Variants in C2orf76 observed in about 807,000 individuals in gnomAD.
C2orf76 encodes the protein UPF0538 protein C2orf76.
A neutral mutation model predicts 16.9 loss-of-function variants in C2orf76; 23 were observed. The ratio of observed to expected loss-of-function variants is 1.36; its 90% CI spans 0.98 to 1.93. The LOEUF (loss-of-function observed/expected upper bound fraction) is 1.93. Ranked by LOEUF, C2orf76 falls within the 30% of genes most tolerant of loss-of-function variation. C2orf76 has a pLI of 0.00. For synonymous variants in C2orf76, 48 were observed against 52.3 expected, an observed-to-expected ratio of 0.92 and a Z score of 0.35; for missense variants, 152 against 152.6, an observed-to-expected ratio of 1.00 and a Z score of 0.02.
At chr2:119,332,489 A>C (rs1679705929) in intron 2 of C2orf76, among the ~76,000 whole-genome samples, 1 of 152,226 alleles carries the variant, frequency 6.6e-6, no homozygotes, top group South Asian at 2.1e-4. Flanking sequence ...AGAACAAAAA[A>C]TTCACTTAAC....
chr2:119,321,239 C>A, intron 2 of C2orf76, 35 bp from the exon 3 acceptor site: 1 of 1,091,232 alleles, frequency 9.2e-7, no homozygotes, highest in Non-Finnish European at 1.4e-6. Flanking sequence ...ACACAATAAG[C>A]AAATAGACAC....
At chr2:119,351,587 CA>C (rs1214118205) in intron 1 of C2orf76, among the ~76,000 whole-genome samples, 4 of 150,466 alleles carry the variant, frequency 2.7e-5, no homozygotes, top group East Asian at 3.9e-4. Context: ...TCTGTCTCTA[CA>C]AAAAAAAATA....
the C2orf76 span, among the ~76,000 whole-genome samples, chr2:119,293,535 G>A: frequency 6.6e-6 from 1 of 152,234 alleles, no homozygotes; most frequent in Admixed American, 6.5e-5. Flanking sequence ...TCACTGTGAT[G>A]GCTGGGTGAA....
At chr2:119,365,545 T>G (rs1026823455) in intron 1 of C2orf76, among the ~76,000 whole-genome samples, 7 of 152,226 alleles carry the variant, frequency 4.6e-5, no homozygotes, top group Non-Finnish European at 8.8e-5. Context: ...TCTGAAAGCG[T>G]CTACCTTCCC....
chr2:119,352,204 G>C (rs1373196008), intron 1 of C2orf76, among the ~76,000 whole-genome samples: 1 of 152,176 alleles, frequency 6.6e-6, no homozygotes, highest in Non-Finnish European at 1.5e-5. Flanking sequence ...CAAACTCCTA[G>C]AGAGAATCAT....
intron 1 of C2orf76, among the ~76,000 whole-genome samples, chr2:119,353,658 T>C (rs1161644195): frequency 6.7e-6 from 1 of 149,604 alleles, no homozygotes; most frequent in Non-Finnish European, 1.5e-5. Context: ...CTGCCTCCCA[T>C]GTTCAAGTGA....
At chr2:119,360,074 AG>A (rs1680695306) in intron 1 of C2orf76, among the ~76,000 whole-genome samples, 1 of 152,242 alleles carries the variant, frequency 6.6e-6, no homozygotes, top group Non-Finnish European at 1.5e-5. Flanking sequence ...CGCACCAATC[AG>A]TTAGCAGCCA....
intron 1 of C2orf76, among the ~76,000 whole-genome samples, chr2:119,362,675 G>T (rs1680782421): frequency 6.6e-6 from 1 of 152,110 alleles, no homozygotes; most frequent in Non-Finnish European, 1.5e-5. Flanking sequence ...ACCAGTGTAT[G>T]ACCAACTCAT....
At chr2:119,307,568 A>T (rs1251749322) in intron 5 of C2orf76, among the ~76,000 whole-genome samples, 1 of 152,114 alleles carries the variant, frequency 6.6e-6, no homozygotes, top group East Asian at 1.9e-4. Flanking sequence ...CCAAGAGCAT[A>T]GCAACACCAC....
At chr2:119,345,753 T>G (rs1464503861) in intron 1 of C2orf76, among the ~76,000 whole-genome samples, 1 of 152,102 alleles carries the variant, frequency 6.6e-6, no homozygotes, top group Non-Finnish European at 1.5e-5. Flanking sequence ...GAATTACAGC[T>G]AAAAAGTACT....
chr2:119,304,545 A>G (rs1345522073), intron 5 of C2orf76, among the ~76,000 whole-genome samples: 1 of 152,212 alleles, frequency 6.6e-6, no homozygotes, highest in East Asian at 1.9e-4. Flanking sequence ...TCAAAATGAG[A>G]GTCTGCAGTG....
chr2:119,338,286 G>T (rs756389083), intron 2 of C2orf76, among the ~76,000 whole-genome samples: 41 of 152,236 alleles, frequency 2.7e-4, no homozygotes, highest in Middle Eastern at 3.4e-3. Flanking sequence ...AAGAGAAAAG[G>T]TATCCTGCCC....
chr2:119,313,240 A>G (rs1679054432), intron 4 of C2orf76, among the ~76,000 whole-genome samples: 1 of 152,136 alleles, frequency 6.6e-6, no homozygotes, highest in Non-Finnish European at 1.5e-5. Context: ...CATTCACTGC[A>G]GAGCACAGGG....
chr2:119,308,932 C>T (rs887210265), intron 5 of C2orf76, among the ~76,000 whole-genome samples: 1 of 148,402 alleles, frequency 6.7e-6, no homozygotes, highest in Non-Finnish European at 1.5e-5. Context: ...CATTTTCCTA[C>T]ACCTTGAACT....
the C2orf76 span, among the ~76,000 whole-genome samples, chr2:119,294,548 CAGAT>C: frequency 6.6e-6 from 1 of 152,054 alleles, no homozygotes; most frequent in African/African-American, 2.4e-5. Flanking sequence ...CGAGGGAGGA[CAGAT>C]AGCACTACTC....
At chr2:119,310,409 C>T (rs535667932) in intron 5 of C2orf76, among the ~76,000 whole-genome samples, 26 of 152,148 alleles carry the variant, frequency 1.7e-4, no homozygotes, top group Non-Finnish European at 2.6e-4. Context: ...ACACAGAAAT[C>T]AAGTCTAAGA....
chr2:119,324,388 T>C (rs1467168869), intron 2 of C2orf76, among the ~76,000 whole-genome samples: 1 of 152,248 alleles, frequency 6.6e-6, no homozygotes, highest in African/African-American at 2.4e-5. Flanking sequence ...TTTACAATTA[T>C]AGTTTTGTCT....
chr2:119,304,560 GATTTT>G (rs1287079455), intron 5 of C2orf76, among the ~76,000 whole-genome samples: 1 of 152,206 alleles, frequency 6.6e-6, no homozygotes, highest in Non-Finnish European at 1.5e-5. Context: ...GCAGTGTAAA[GATTTT>G]ATTTTCAGAT....
chr2:119,361,325 T>G (rs893973957), intron 1 of C2orf76, among the ~76,000 whole-genome samples: 2 of 152,228 alleles, frequency 1.3e-5, no homozygotes, highest in African/African-American at 4.8e-5. Flanking sequence ...TTCAATTTTA[T>G]TATTATTTTG....
Sources: allele counts gnomAD v4.1 joint callset (sites outside exome capture counted in the v4.1 genomes callset), GRCh38; gene constraint gnomAD v4.1.1; transcripts MANE v1.5; gene names NCBI Gene and HGNC (gene_info 2026-07-23, HGNC 2026-07-21).